The following IL23R variants were observed in gnomAD, a reference collection of about 807,000 sequenced individuals.
The protein encoded by IL23R is interleukin-23 receptor.
In IL23R, 34 loss-of-function variants were observed where a neutral mutation model predicts 56.9. The ratio of observed to expected loss-of-function variants is 0.60; its 90% CI spans 0.45 to 0.80. The LOEUF is 0.80. Among genes scored for constraint, IL23R ranks in the 30% least tolerant of loss-of-function variants. The pLI is 0.00. For synonymous variants in IL23R, 230 were observed against 249.2 expected, an observed-to-expected ratio of 0.92 and a Z score of 0.73; for missense variants, 635 against 730.0, an observed-to-expected ratio of 0.87 and a Z score of 1.50.
At chr1:67,178,916 C>T (rs1370423115) in intron 3 of IL23R, among the ~76,000 whole-genome samples, 2 of 152,152 alleles carry the variant, frequency 1.3e-5, no homozygotes, top group East Asian at 1.9e-4. Context: ...TGCTGGATTA[C>T]GTTTATTGAT....
intron 1 of IL23R, among the ~76,000 whole-genome samples, chr1:67,161,145 C>T (rs998377915): frequency 6.6e-6 from 1 of 152,094 alleles, no homozygotes; most frequent in African/African-American, 2.4e-5. Flanking sequence ...ACAGAACAAG[C>T]GGGAAGGGGA....
intron 4 of IL23R, among the ~76,000 whole-genome samples, chr1:67,196,653 T>A (rs189689801): frequency 6.6e-6 from 1 of 152,326 alleles, no homozygotes; most frequent in East Asian, 1.9e-4. Flanking sequence ...AGTTTCATGA[T>A]GTAATGCAAT....
chr1:67,164,529 G>A (rs1646853017), upstream of IL23R, among the ~76,000 whole-genome samples: 1 of 152,110 alleles, frequency 6.6e-6, no homozygotes, highest in Admixed American at 6.5e-5. Flanking sequence ...CTACTTGGGA[G>A]GCTGAGGCAG....
chr1:67,190,999 A>G (rs577727613), intron 4 of IL23R, among the ~76,000 whole-genome samples: 17 of 152,338 alleles, frequency 1.1e-4, no homozygotes. Flanking sequence ...CTCAAAATGT[A>G]GTTTATATTT....
chr1:67,138,664 G>A (rs954638110), upstream of IL23R, among the ~76,000 whole-genome samples: 3 of 152,162 alleles, frequency 2.0e-5, no homozygotes, highest in Non-Finnish European at 4.4e-5. Context: ...AGTTCTGATT[G>A]TCTTTCTAGC....
chr1:67,222,102 C>T lies in IL23R; in HGVS notation c.955+2372C>T, dbSNP rs370559124. Among the ~76,000 whole-genome samples the T allele has an allele frequency of 4.9e-3, 288 of 58,932 alleles. 12 individuals are homozygous for T. Among genetic ancestry groups the T allele is most frequent in the Middle Eastern group, 0.024 (2 of 84 alleles). 38.7% of individuals were successfully genotyped at this position (58,932 alleles called of 152,430 possible). A position where few individuals can be genotyped will look rare whatever the true frequency, so the allele number is the denominator to read the frequency against. ...TCCTTTTCTCTTTCTTTCTTTCTTTCTTTTTTTTTTTTTTTTTTTTTTTTT... is the reference window on the plus strand; with the variant it reads ...TCCTTTTCTCTTTCTTTCTTTCTTTTTTTTTTTTTTTTTTTTTTTTTTTTT... On this transcript the variant is annotated intron_variant, in intron 7 of 10. Coordinates refer to ENST00000347310, the MANE Select transcript of IL23R (RefSeq NM_144701.3).
chr1:67,228,031 T>TC (rs1359044057), intron 7 of IL23R, among the ~76,000 whole-genome samples: 1 of 61,982 alleles, frequency 1.6e-5, no homozygotes, highest in African/African-American at 6.9e-5. Flanking sequence ...CCTTTCTTTC[T>TC]TTTCTTTCTT....
At chr1:67,209,189 A>G (rs187166474) in intron 6 of IL23R, among the ~76,000 whole-genome samples, 176 of 152,280 alleles carry the variant, frequency 1.2e-3, no homozygotes, top group African/African-American at 4.0e-3. Flanking sequence ...TTATAGGCTC[A>G]TAGGTGGAAG....
intron 9 of IL23R, among the ~76,000 whole-genome samples, chr1:67,246,805 A>G (rs1041545016): frequency 1.1e-4 from 16 of 152,204 alleles, no homozygotes; most frequent in Admixed American, 1.0e-3. Context: ...TGGGGTGGAC[A>G]GTTCTGTAGA....
chr1:67,198,132 A>C (rs1435028066), intron 4 of IL23R, among the ~76,000 whole-genome samples: 1 of 152,192 alleles, frequency 6.6e-6, no homozygotes, highest in East Asian at 1.9e-4. Context: ...GTCACTCATT[A>C]CTGCCAGGAG....
At chr1:67,140,720 T>A (rs1453362121) in intron 1 of IL23R, among the ~76,000 whole-genome samples, 2 of 152,194 alleles carry the variant, frequency 1.3e-5, no homozygotes, top group African/African-American at 4.8e-5. Flanking sequence ...CTTGTAACGA[T>A]GATTTTTATT....
chr1:67,165,368 T>G (rs555348398), upstream of IL23R, among the ~76,000 whole-genome samples: 1 of 152,264 alleles, frequency 6.6e-6, no homozygotes, highest in Admixed American at 6.5e-5. Context: ...GAATGTAAAT[T>G]GGTACAGTTA....
Position 67,182,979 on chromosome 1 carries a change from C to T in IL23R, c.491+20C>T. ...GAAGAGGTAGGTCACTTCCTCACGG[C>T]TTCATATAAGCAGTTCCACCCCAGT... On this transcript the variant is annotated intron_variant, in intron 4 of 10. Coordinates refer to ENST00000347310, the MANE Select transcript of IL23R (RefSeq NM_144701.3). The T allele has an allele frequency of 6.2e-7, 1 of 1,613,538 alleles. No individual in the cohort carries two copies. Among genetic ancestry groups the T allele is most frequent in the Non-Finnish European group, 8.5e-7 (1 of 1,179,620 alleles).
chr1:67,187,682 T>C (rs962223771), intron 4 of IL23R, among the ~76,000 whole-genome samples: 2 of 152,228 alleles, frequency 1.3e-5, no homozygotes, highest in African/African-American at 2.4e-5. Context: ...GAAATATTCA[T>C]TGGGAAGAGC....
In IL23R at chr1:67,217,388, AAAC is replaced by A. The variant is rs1252651474; in HGVS notation, c.799-2182_799-2180del. On this transcript the variant is annotated intron_variant, in intron 6 of 10. Transcript: ENST00000347310. ...AGCCACCTGGTTTGCCTCATGGTTT[AAAC>A]AACTGATAACAGTTCCATAACGTTC... Among the ~76,000 whole-genome samples the A allele has an allele frequency of 8.5e-5, 13 of 152,302 alleles. No homozygotes were observed. The East Asian group carries it at 2.5e-3, about 29-fold the overall frequency.
At position 67,258,521 on chromosome 1, in the gene IL23R, T is replaced by C. The variant is rs113281071; in HGVS notation, c.1283T>C (p.Leu428Pro). 5.2e-5 allele frequency: 84 copies of C among 1,606,644 alleles called. No homozygotes were observed. The highest frequency in any genetic ancestry group is 6.5e-5 in the Non-Finnish European group (76 of 1,176,324). ...LMNNNSSEQVLYVDPMITEIK... is the reference protein window; with the variant it reads ...LMNNNSSEQVPYVDPMITEIK... The stretch of plus-strand genomic sequence containing the variant: ...AATAATAATTCCAGTGAGCAGGTCC[T>C]ATATGTTGATCCCATGATTACAGAG... Residue 428 changes from leucine to proline, a missense_variant, in exon 11 of 11, where the codon CTA (leucine) becomes CCA (proline). Physicochemically the swap from Leu to Pro is moderately conservative, Grantham distance 98. Coordinates refer to ENST00000347310, the MANE Select transcript of IL23R (RefSeq NM_144701.3).
At chr1:67,153,911 G>A (rs968935433) in intron 1 of IL23R, among the ~76,000 whole-genome samples, 7 of 152,064 alleles carry the variant, frequency 4.6e-5, no homozygotes, top group Middle Eastern at 3.4e-3. Flanking sequence ...GACTACAGGC[G>A]CCTGCCACCA....
intron 4 of IL23R, among the ~76,000 whole-genome samples, chr1:67,195,671 G>A (rs1349571943): frequency 1.3e-5 from 2 of 152,034 alleles, no homozygotes; most frequent in Non-Finnish European, 2.9e-5. Flanking sequence ...AAAATGCACT[G>A]GAACCGAAAA....
chr1:67,191,229 A>G (rs542994025), intron 4 of IL23R, among the ~76,000 whole-genome samples: 1 of 152,306 alleles, frequency 6.6e-6, no homozygotes, highest in East Asian at 1.9e-4. Context: ...CCTCTCTAGT[A>G]TCTTCCCTTC....
Sources: allele counts gnomAD v4.1 joint callset (sites outside exome capture counted in the v4.1 genomes callset), GRCh38; gene constraint gnomAD v4.1.1; transcripts MANE v1.5; gene names NCBI Gene and HGNC (gene_info 2026-07-23, HGNC 2026-07-21).